The following WDR88 variants were observed in gnomAD, a reference collection of about 807,000 sequenced individuals.
The protein encoded by WDR88 is WD repeat-containing protein 88.
A neutral mutation model predicts 46.8 loss-of-function variants in WDR88; 40 were observed. That is an observed-to-expected ratio of 0.86 (90% confidence interval 0.66 to 1.11). WDR88 has a LOEUF of 1.11. Among genes scored for constraint, WDR88 ranks in the 50% most tolerant of loss-of-function variants. WDR88 has a pLI of 0.00. For missense variants in WDR88, 562 were observed against 602.4 expected (o/e 0.93, Z 0.70); for synonymous variants, 235 against 240.7 (o/e 0.98, Z 0.22).
chr19:33,140,727 T>G, intron 2 of WDR88, among the ~76,000 whole-genome samples: 1 of 151,608 alleles, frequency 6.6e-6, no homozygotes, highest in South Asian at 2.1e-4. Flanking sequence ...GAGGCGGAGG[T>G]TGCAGTGAGC....
intron 9 of WDR88, among the ~76,000 whole-genome samples, chr19:33,168,457 C>A (rs1205751101): frequency 3.3e-5 from 5 of 152,176 alleles, no homozygotes; most frequent in Non-Finnish European, 5.9e-5. Flanking sequence ...CACAAAAAAG[C>A]AGTTGTGTTT....
rs1372328636 is a variant in WDR88 at position 33,160,494 on chromosome 19, A to G, written c.1078A>G (p.Lys360Glu). 6.2e-7 allele frequency: 1 copy of G among 1,614,116 alleles called. No homozygotes were observed. Among genetic ancestry groups the G allele is most frequent in the South Asian group, 1.1e-5 (1 of 91,074 alleles). Residue 360 changes from lysine to glutamate, a missense_variant and splice_region_variant, in exon 8 of 11, where the codon AAG becomes GAG. Physicochemically the swap from Lys to Glu is moderately conservative, Grantham distance 56. Coordinates refer to ENST00000355868, the MANE Select transcript of WDR88 (RefSeq NM_173479.4). Reference protein sequence around the residue: ...VAEGYRKLSLKGHNDWVMDVA... With the variant: ...VAEGYRKLSLEGHNDWVMDVA... The stretch of plus-strand genomic sequence containing the variant: ...AGAAGGCTACCGGAAGCTCTCTTTG[A>G]AGGTACATGTGGCCAGCATGAGATT...
rs544709776 is a variant in WDR88 at position 33,174,802 on chromosome 19, G to A, written c.1243-594G>A. On this transcript the variant is annotated intron_variant, in intron 10 of 10. Transcript: ENST00000355868. ...AGGGGCTTGCCACGCATGTCCTCAG[G>A]ACCCCCATGGCAGGAGACATGAGCT... 44 of 985,266 alleles carry A rather than the reference G, an allele frequency of 4.5e-5. 2 individuals carry two copies. The South Asian group carries it at 1.7e-3, about 38-fold the overall frequency. The allele number at this position is 985,266 out of a possible 1,614,324, so 61.0% of individuals were successfully genotyped here. A position where few individuals can be genotyped will look rare whatever the true frequency, so the allele number is the denominator to read the frequency against.
Position 33,158,698 on chromosome 19 carries a change from A to ATT in WDR88, c.998-1708_998-1707dup, listed in dbSNP as rs11370336. 2.1e-4 allele frequency among the ~76,000 whole-genome samples: 32 copies of ATT among 151,108 alleles called. No homozygotes were observed. In the South Asian group the frequency reaches 3.4e-3, roughly 16 times the overall value. Reference sequence around the variant, plus strand: ...TTTTTGTGGTCTATTTAGTGCCACCATTTTTTTTTGTTGTTGTTTGTTTGT... The same window carrying ATT: ...TTTTTGTGGTCTATTTAGTGCCACCATTTTTTTTTTTGTTGTTGTTTGTTTGT... On this transcript the variant is annotated intron_variant, in intron 7 of 10. Coordinates refer to ENST00000355868, the MANE Select transcript of WDR88 (RefSeq NM_173479.4).
chr19:33,172,775 G>A (rs1286045029), intron 10 of WDR88, among the ~76,000 whole-genome samples: 1 of 151,948 alleles, frequency 6.6e-6, no homozygotes, highest in African/African-American at 2.4e-5. Context: ...GTGAGGGGGT[G>A]AGCCATGCAG....
intron 9 of WDR88, among the ~76,000 whole-genome samples, chr19:33,168,115 T>C (rs1027073223): frequency 2.0e-5 from 3 of 151,554 alleles, no homozygotes; most frequent in Non-Finnish European, 4.4e-5. Context: ...GCAACCTCCA[T>C]CTTCTGGGTT....
In WDR88 at chr19:33,172,420, G is replaced by A. The variant is rs143369467; in HGVS notation, c.1222G>A (p.Val408Met). ...TTTGGTAATCAAGTACAAAAAGGCC[G>A]TGGGCTTAAAGTTGAAACAGGTTGG... Reference protein sequence around the residue: ...IPLVIKYKKAVGLKLKQCERC... With the variant: ...IPLVIKYKKAMGLKLKQCERC... The change falls in exon 10 of 11, where the codon GTG becomes ATG. Residue 408 changes from valine to methionine, a missense_variant. By Grantham distance (21) the Val-to-Met change is conservative. Transcript: ENST00000355868. 11 of 1,614,030 alleles carry A rather than the reference G, an allele frequency of 6.8e-6. No individual in the cohort carries two copies. The highest frequency in any genetic ancestry group is 3.3e-4 in the Middle Eastern group (2 of 6,058).
chr19:33,153,229 GTTT>G (rs35860325), intron 6 of WDR88, among the ~76,000 whole-genome samples: 11 of 129,526 alleles, frequency 8.5e-5, no homozygotes, highest in Admixed American at 2.3e-4. Context: ...TTTTAAGTTT[GTTT>G]TTTTTTTTTT....
intron 2 of WDR88, 90 bp downstream of exon 2, chr19:33,137,877 C>A: frequency 9.1e-7 from 1 of 1,096,562 alleles, no homozygotes. Flanking sequence ...ACTGAACTCA[C>A]AGGCACTTGT....
At chr19:33,170,280 C>T (rs1451346258) in intron 9 of WDR88, among the ~76,000 whole-genome samples, 1 of 150,176 alleles carries the variant, frequency 6.7e-6, no homozygotes, top group Non-Finnish European at 1.5e-5. Context: ...CGGGCTTAGG[C>T]GATCCTCCCG....
At chr19:33,144,390 A>C (rs1343757087) in intron 2 of WDR88, among the ~76,000 whole-genome samples, 2 of 152,098 alleles carry the variant, frequency 1.3e-5, no homozygotes, top group Admixed American at 1.3e-4. Context: ...AGTAGAGACG[A>C]GGTTTCACCA....
intron 3 of WDR88, among the ~76,000 whole-genome samples, chr19:33,147,357 C>T (rs941447817): frequency 6.6e-6 from 1 of 152,152 alleles, no homozygotes; most frequent in African/African-American, 2.4e-5. Context: ...AATACTAGCA[C>T]TTTGGGAGGC....
intron 2 of WDR88, 42 bp from the exon 3 acceptor site, chr19:33,144,802 G>A (rs775316228): frequency 1.3e-6 from 2 of 1,580,920 alleles, no homozygotes; most frequent in South Asian, 2.2e-5. Flanking sequence ...AGCAAACACG[G>A]CAGTGACCAC....
At chr19:33,135,994 A>G (rs1314032155) in intron 1 of WDR88, among the ~76,000 whole-genome samples, 1 of 151,172 alleles carries the variant, frequency 6.6e-6, no homozygotes, top group African/African-American at 2.4e-5. Context: ...GGTTCAAGCG[A>G]TTCTCCTGCC....
At chr19:33,155,999 G>A (rs1973727356) in intron 6 of WDR88, among the ~76,000 whole-genome samples, 2 of 152,248 alleles carry the variant, frequency 1.3e-5, no homozygotes, top group East Asian at 1.9e-4. Flanking sequence ...GGAGGCCAAG[G>A]CAGGTGGACC....
At chr19:33,170,999 T>A (rs10414132) in intron 9 of WDR88, among the ~76,000 whole-genome samples, 31,437 of 152,088 alleles carry the variant, frequency 0.21, 4,698 homozygotes, top group African/African-American at 0.39. Context: ...TATTATTATT[T>A]TTTTGAGACA....
At chr19:33,146,482 T>TCCCC (rs1356541419) in intron 3 of WDR88, among the ~76,000 whole-genome samples, 1 of 86,556 alleles carries the variant, frequency 1.2e-5, no homozygotes, top group Non-Finnish European at 2.3e-5. Flanking sequence ...CTTCCTTCCT[T>TCCCC]CCTTCCTTCC....
rs1297537549 is a variant in WDR88, at chr19:33,172,432, T to C, written c.1234T>C (p.Leu412=). The C allele has an allele frequency of 1.2e-6, 2 of 1,613,752 alleles. No homozygotes were observed. Among genetic ancestry groups the C allele is most frequent in the Non-Finnish European group, 1.7e-6 (2 of 1,179,866 alleles). The part of the protein sequence containing the change: ...IKYKKAVGLK[L]KQCERCDRPF... ...GTACAAAAAGGCCGTGGGCTTAAAG[T>C]TGAAACAGGTTGGTATTGGGTAAAA... The change falls in exon 10 of 11, where the codon TTG becomes CTG. Residue 412 remains leucine, a synonymous_variant. Coordinates refer to ENST00000355868, the MANE Select transcript of WDR88 (RefSeq NM_173479.4).
At chr19:33,135,277 C>A (rs909668303) in intron 1 of WDR88, among the ~76,000 whole-genome samples, 3 of 152,104 alleles carry the variant, frequency 2.0e-5, no homozygotes, top group African/African-American at 7.2e-5. Flanking sequence ...CCTTTTATAG[C>A]GATAGAATCA....
Sources: allele counts gnomAD v4.1 joint callset (sites outside exome capture counted in the v4.1 genomes callset), GRCh38; gene constraint gnomAD v4.1.1; transcripts MANE v1.5; gene names NCBI Gene and HGNC (gene_info 2026-07-23, HGNC 2026-07-21).